Variants in RNASEH1 observed in about 807,000 individuals in gnomAD.
The protein encoded by RNASEH1 is ribonuclease H1.
Under a neutral mutation model 34.6 loss-of-function variants are expected in RNASEH1, and 27 were observed. The observed-to-expected ratio is 0.78, with a 90% CI of 0.58 to 1.08. The LOEUF is 1.08. RNASEH1 is among the 50% of genes least tolerant of loss of function. The pLI is 0.00. For missense variants in RNASEH1, 349 were observed against 373.6 expected (o/e 0.93, Z 0.54); for synonymous variants, 162 against 138.4 (o/e 1.17, Z -1.20).
At chr2:3,550,563 A>T in intron 3 of RNASEH1, 91 bp from the exon 4 acceptor site, 1 of 955,404 alleles carries the variant, frequency 1.0e-6, no homozygotes, top group South Asian at 1.3e-5. Flanking sequence ...TAGCATTTTA[A>T]ACCGAGAGGG....
Position 3,542,778 on chromosome 2 carries a change from T to C in RNASEH1, c.*3007A>G, listed in dbSNP as rs947433458. The stretch of plus-strand genomic sequence containing the variant: ...ATTCCGAGTGCAGGAGACACAGACA[T>C]CATATAGAGGAGGCTATGTAAAGGC... On this transcript the variant is annotated 3_prime_UTR_variant, in exon 8 of 8. Coordinates refer to ENST00000315212, the MANE Select transcript of RNASEH1 (RefSeq NM_002936.6). Among the ~76,000 whole-genome samples the C allele has an allele frequency of 2.0e-5, 3 of 152,136 alleles. No homozygotes were observed. The highest frequency in any genetic ancestry group is 6.5e-5 in the Admixed American group (1 of 15,268).
chr2:3,557,202 G>A (rs1660599812), intron 1 of RNASEH1, among the ~76,000 whole-genome samples: 1 of 152,136 alleles, frequency 6.6e-6, no homozygotes, highest in Admixed American at 6.5e-5. Context: ...TTTTAAAACT[G>A]TATTCTATTT....
chr2:3,540,789 AT>A (rs966502039), downstream of RNASEH1, among the ~76,000 whole-genome samples: 114 of 147,106 alleles, frequency 7.7e-4, no homozygotes, highest in African/African-American at 8.7e-4. Flanking sequence ...TTCTGGTTCA[AT>A]TTTTTTTTTT....
At chr2:3,550,549 G>T in intron 3 of RNASEH1, 77 bp from the exon 4 acceptor site, 2 of 1,086,408 alleles carry the variant, frequency 1.8e-6, no homozygotes, top group Admixed American at 3.4e-5. Context: ...CCACTAGGTC[G>T]ACTTAGCATT....
At chr2:3,552,040 G>T in intron 3 of RNASEH1, 104 bp downstream of exon 3, 2 of 848,634 alleles carry the variant, frequency 2.4e-6, no homozygotes, top group Non-Finnish European at 1.8e-6. Flanking sequence ...GAATGAAGAT[G>T]ATAAACACCA....
chr2:3,540,327 C>CT (rs1329192449), downstream of RNASEH1, among the ~76,000 whole-genome samples: 1 of 151,818 alleles, frequency 6.6e-6, no homozygotes, highest in Non-Finnish European at 1.5e-5. Flanking sequence ...AAATTGCCCC[C>CT]TAAAAATTTA....
intron 2 of RNASEH1, among the ~76,000 whole-genome samples, chr2:3,555,194 G>T (rs72767168): frequency 3.4e-5 from 5 of 148,792 alleles, no homozygotes; most frequent in Non-Finnish European, 6.0e-5. Context: ...TCTCACCTCC[G>T]CCTTTCTTTC....
At chr2:3,557,353 C>G (rs552103774) in intron 1 of RNASEH1, among the ~76,000 whole-genome samples, 54 of 152,328 alleles carry the variant, frequency 3.5e-4, no homozygotes, top group Non-Finnish European at 6.9e-4. Context: ...CACCTGTGTT[C>G]TACTGTATGC....
chr2:3,534,582 C>T, the RNASEH1 span, among the ~76,000 whole-genome samples: 124 of 152,370 alleles, frequency 8.1e-4, no homozygotes, highest in African/African-American at 2.3e-3. Flanking sequence ...AAGGCAGAAG[C>T]GGGTTGCGGC....
At chr2:3,541,197 C>T (rs1044272513), downstream of RNASEH1, among the ~76,000 whole-genome samples, 3 of 151,832 alleles carry the variant, frequency 2.0e-5, no homozygotes, top group African/African-American at 7.3e-5. Flanking sequence ...GGTGTAGTGG[C>T]GGGCACCTGT....
At chr2:3,534,509 C>T in the RNASEH1 span, among the ~76,000 whole-genome samples, 6 of 152,272 alleles carry the variant, frequency 3.9e-5, no homozygotes, top group East Asian at 3.8e-4. Context: ...TGGGGCTCTG[C>T]GGTTCCTGGT....
chr2:3,548,191 T>G, intron 6 of RNASEH1, 136 bp from the exon 7 acceptor site: 1 of 1,070,026 alleles, frequency 9.3e-7, no homozygotes. Flanking sequence ...TTAGCTGGCC[T>G]TAGTTGCTTT....
At chr2:3,548,558 G>T in intron 6 of RNASEH1, 82 bp downstream of exon 6, 1 of 890,822 alleles carries the variant, frequency 1.1e-6, no homozygotes, top group Non-Finnish European at 1.8e-6. Flanking sequence ...TCCCATTTGG[G>T]TCCTGCCCTG....
At chr2:3,547,509 T>C (rs1375712560) in intron 7 of RNASEH1, among the ~76,000 whole-genome samples, 6 of 151,468 alleles carry the variant, frequency 4.0e-5, no homozygotes, top group African/African-American at 7.3e-5. Flanking sequence ...AGACGGGGTC[T>C]TGGAGTCTCA....
At chr2:3,551,832 T>C (rs895153462) in intron 3 of RNASEH1, among the ~76,000 whole-genome samples, 3 of 152,214 alleles carry the variant, frequency 2.0e-5, no homozygotes, top group African/African-American at 7.2e-5. Context: ...GCGTGTGAGG[T>C]GTTATTTGAA....
At position 3,544,940 on chromosome 2, in the gene RNASEH1, A is replaced by G. The variant is rs1234670194; in HGVS notation, c.*845T>C. ...CAAGCCCGTGCCACCACACCTGGAT[A>G]ATTTTTGTAATTTTAGTAGAGACAG... On this transcript the variant is annotated 3_prime_UTR_variant, in exon 8 of 8. Coordinates refer to ENST00000315212, the MANE Select transcript of RNASEH1 (RefSeq NM_002936.6). The G allele has an allele frequency of 6.6e-6, 1 of 151,792 alleles. No individual in the cohort carries two copies. Among genetic ancestry groups the G allele is most frequent in the Non-Finnish European group, 1.5e-5 (1 of 67,976 alleles). The allele number at this position is 151,792 out of a possible 1,614,324, so 9.4% of individuals were successfully genotyped here.
chr2:3,552,625 C>T (rs1660086854), intron 2 of RNASEH1, among the ~76,000 whole-genome samples: 1 of 147,400 alleles, frequency 6.8e-6, no homozygotes, highest in Non-Finnish European at 1.5e-5. Flanking sequence ...CCACCCCCTC[C>T]ACAGCATCTC....
At chr2:3,557,076 T>G (rs1465486310) in intron 1 of RNASEH1, among the ~76,000 whole-genome samples, 172 bp from the exon 2 acceptor site, 1 of 152,254 alleles carries the variant, frequency 6.6e-6, no homozygotes. Flanking sequence ...TTAAGTCCTT[T>G]GCATAAAATG....
intron 2 of RNASEH1, among the ~76,000 whole-genome samples, chr2:3,555,074 T>C (rs1182108135): frequency 6.6e-6 from 1 of 152,234 alleles, no homozygotes; most frequent in Admixed American, 6.5e-5. Context: ...AATGTTATGT[T>C]GAAGACTTAT....
Sources: allele counts gnomAD v4.1 joint callset (sites outside exome capture counted in the v4.1 genomes callset), GRCh38; gene constraint gnomAD v4.1.1; transcripts MANE v1.5; gene names NCBI Gene and HGNC (gene_info 2026-07-23, HGNC 2026-07-21).